The following ELAC2 variants were observed in gnomAD, a reference collection of about 807,000 sequenced individuals.
The protein encoded by ELAC2 is zinc phosphodiesterase ELAC protein 2.
ELAC2 carries 92 observed loss-of-function variants against 105.2 expected under a neutral mutation model. The observed-to-expected ratio is 0.87, with a 90% CI of 0.74 to 1.04. The LOEUF is 1.04. Among genes scored for constraint, ELAC2 ranks in the 50% least tolerant of loss-of-function variants. ELAC2 has a pLI of 0.00. For synonymous variants in ELAC2, 468 were observed against 409.1 expected, an observed-to-expected ratio of 1.14 and a Z score of -1.74; for missense variants, 1,099 against 1,071.7, an observed-to-expected ratio of 1.03 and a Z score of -0.36.
intron 7 of ELAC2, 112 bp from the exon 8 acceptor site, chr17:13,010,783 C>T (rs2041372570): frequency 1.0e-6 from 1 of 957,900 alleles, no homozygotes; most frequent in Non-Finnish European, 1.7e-6. Context: ...TTAATGGACG[C>T]TACTGTCCCA....
At chr17:12,996,418 C>G in intron 17 of ELAC2, 129 bp downstream of exon 17, 1 of 1,426,006 alleles carries the variant, frequency 7.0e-7, no homozygotes, top group Non-Finnish European at 9.7e-7. Context: ...AAACCATTTC[C>G]TAGCCAGAGA....
At chr17:13,001,970 C>A (rs745715827) in intron 14 of ELAC2, among the ~76,000 whole-genome samples, 1 of 152,196 alleles carries the variant, frequency 6.6e-6, no homozygotes, top group Non-Finnish European at 1.5e-5. Flanking sequence ...GTGAAACACA[C>A]GAGCTCTATC....
In ELAC2 at chr17:12,996,582, C is replaced by G; in HGVS notation, c.1624G>C (p.Val542Leu). 6.2e-7 allele frequency: 1 copy of G among 1,614,068 alleles called. No homozygotes were observed. The highest frequency in any genetic ancestry group is 8.5e-7 in the Non-Finnish European group (1 of 1,180,046). The part of the protein sequence containing the change: ...VDRVLGTLAA[V>L]FVSHLHADHH... ...TCTGCGTGCAGGTGGGACACAAACA[C>G]AGCAGCCAGGGTGCCCAGGACCCTG... The change falls in exon 17 of 24, where the codon GTG (valine) becomes CTG (leucine). Residue 542 changes from valine to leucine, a missense_variant. Transcript: ENST00000338034.
intron 4 of ELAC2, 94 bp downstream of exon 4, chr17:13,015,674 A>T: frequency 9.8e-7 from 1 of 1,023,704 alleles, no homozygotes; most frequent in Non-Finnish European, 1.6e-6. Flanking sequence ...GTATCTCTGG[A>T]GGGCAGAAGA....
Position 13,015,831 on chromosome 17 carries a change from T to C in ELAC2, c.369A>G (p.Gly123=), listed in dbSNP as rs143942145. Residue 123 remains glycine, a splice_region_variant and synonymous_variant, in exon 4 of 24, where the codon GGA becomes GGG. Coordinates refer to ENST00000338034, the MANE Select transcript of ELAC2 (RefSeq NM_018127.7). ...CGGTTTCCTTTAAAGTAAGAATCAT[T>C]CCTAAAAAGGATGCATAAAATCAGA... ...MHWSNVGGLS[G]MILTLKETGL... 2.8e-5 allele frequency: 45 copies of C among 1,613,552 alleles called. No homozygotes were observed. Among genetic ancestry groups the C allele is most frequent in the Non-Finnish European group, 3.6e-5 (43 of 1,179,622 alleles).
chr17:12,994,759 C>T lies in ELAC2; in HGVS notation c.2029+5G>A, dbSNP rs776845488. 5.6e-6 allele frequency: 9 copies of T among 1,613,810 alleles called. No individual in the cohort carries two copies. The South Asian group carries it at 6.6e-5, about 12-fold the overall frequency. The stretch of plus-strand genomic sequence containing the variant: ...TCAGGGTGGCTTGCTTCTTCCTCTA[C>T]TCACCCATCCGGACCAGAGCCTCGC... On this transcript the variant is annotated splice_donor_5th_base_variant and intron_variant, in intron 21 of 23. Coordinates refer to ENST00000338034, the MANE Select transcript of ELAC2 (RefSeq NM_018127.7).
At chr17:12,996,862 T>C (rs762166804) in intron 16 of ELAC2, among the ~76,000 whole-genome samples, 177 bp from the exon 17 acceptor site, 3 of 151,822 alleles carry the variant, frequency 2.0e-5, no homozygotes, top group Non-Finnish European at 4.4e-5. Context: ...TGATTTTACA[T>C]GTGTCATCCT....
chr17:13,009,592 CAG>C (rs140726184), intron 8 of ELAC2, among the ~76,000 whole-genome samples: 13,024 of 152,128 alleles, frequency 0.086, 770 homozygotes, highest in Middle Eastern at 0.19. Context: ...TAAAGTAAAA[CAG>C]AGTTAAAAGA....
In ELAC2 at chr17:12,996,568, G is replaced by A. The variant is rs1489337164; in HGVS notation, c.1638C>T (p.His546=). The stretch of plus-strand genomic sequence containing the variant: ...TCACCGTGTGGTGATCTGCGTGCAG[G>A]TGGGACACAAACACAGCAGCCAGGG... ...LGTLAAVFVS[H]LHADHHTGLP... is the part of the protein sequence containing the mutation. Residue 546 remains histidine, a synonymous_variant, in exon 17 of 24, where the codon CAC becomes CAT. Transcript: ENST00000338034. The A allele has an allele frequency of 3.7e-6, 6 of 1,613,906 alleles. No homozygotes were observed. Among genetic ancestry groups the A allele is most frequent in the South Asian group, 3.3e-5 (3 of 91,088 alleles).
Position 13,007,761 on chromosome 17 carries a change from C to T in ELAC2, c.739-1782G>A, listed in dbSNP as rs1194049270. ...AGTGTGGTGGCGGGCACCTGAAGTC[C>T]CAGCTACTCGGGAAGCTGATGCATG... On this transcript the variant is annotated intron_variant, in intron 8 of 23. Coordinates refer to ENST00000338034, the MANE Select transcript of ELAC2 (RefSeq NM_018127.7). 5.9e-5 allele frequency among the ~76,000 whole-genome samples: 9 copies of T among 152,052 alleles called. No individual in the cohort carries two copies. The South Asian group carries it at 1.0e-3, about 18-fold the overall frequency.
At chr17:13,010,014 G>A (rs1448106316) in intron 8 of ELAC2, among the ~76,000 whole-genome samples, 1 of 130,986 alleles carries the variant, frequency 7.6e-6, no homozygotes, top group African/African-American at 2.8e-5. Context: ...AAAAATGTAC[G>A]GAGGCTGACA....
At chr17:13,011,107 G>A (rs1378184610) in intron 7 of ELAC2, among the ~76,000 whole-genome samples, 3 of 152,220 alleles carry the variant, frequency 2.0e-5, no homozygotes, top group African/African-American at 7.2e-5. Context: ...CCTGTTCTCA[G>A]TCACTAGACA....
chr17:13,006,369 CA>C (rs1019868391), intron 8 of ELAC2: 1,622 of 176,504 alleles, frequency 9.2e-3, no homozygotes, highest in South Asian at 0.023. Context: ...AAGTCTGTCT[CA>C]AAAAAAAAAA....
intron 14 of ELAC2, among the ~76,000 whole-genome samples, chr17:13,001,139 C>T (rs1241395092): frequency 1.3e-5 from 2 of 152,154 alleles, no homozygotes; most frequent in East Asian, 3.9e-4. Context: ...CCAGCACATG[C>T]TCTATTCTAA....
chr17:13,002,226 T>C, intron 14 of ELAC2, 48 bp downstream of exon 14: 1 of 1,601,280 alleles, frequency 6.2e-7, no homozygotes, highest in Non-Finnish European at 8.5e-7. Context: ...TACAGAAATG[T>C]TTCCCAACTC....
intron 8 of ELAC2, 72 bp from the exon 9 acceptor site, chr17:13,006,051 A>G: frequency 6.8e-7 from 1 of 1,461,074 alleles, no homozygotes; most frequent in Non-Finnish European, 9.6e-7. Flanking sequence ...ATTTTCTTAG[A>G]AGTGTATTTT....
rs375941310 is a variant in ELAC2 at position 13,017,792 on chromosome 17, G to A, written c.156C>T (p.Ser52=). ...GCAGGTACACGGTGTTTGGGCCGCCGGAGCACCCCGACGGTCCGCGCTTCT... is the reference window on the plus strand; with the variant it reads ...GCAGGTACACGGTGTTTGGGCCGCCAGAGCACCCCGACGGTCCGCGCTTCT... The part of the protein sequence containing the change: ...TREKRGPSGC[S]GGPNTVYLQV... Residue 52 remains serine (S), a synonymous_variant, in exon 1 of 24, where the codon TCC becomes TCT. Transcript: ENST00000338034. 2.7e-5 allele frequency: 44 copies of A among 1,607,748 alleles called. No homozygotes were observed. The highest frequency in any genetic ancestry group is 2.4e-4 in the African/African-American group (18 of 74,874).
chr17:12,995,446 C>T (rs1172305525), intron 19 of ELAC2, among the ~76,000 whole-genome samples: 3 of 152,142 alleles, frequency 2.0e-5, no homozygotes, highest in Admixed American at 6.5e-5. Context: ...AAAAGCTGCT[C>T]GAAGTTTAGA....
rs368781017 is a variant in ELAC2 at position 13,017,828 on chromosome 17, C to A, written c.120G>T (p.Leu40=). 6 of 1,590,006 alleles carry A rather than the reference C, an allele frequency of 3.8e-6. No homozygotes were observed. In the African/African-American group the frequency reaches 6.7e-5, roughly 18 times the overall value. Residue 40 remains leucine (L), a synonymous_variant, in exon 1 of 24, where the codon CTG becomes CTT. Coordinates refer to ENST00000338034, the MANE Select transcript of ELAC2 (RefSeq NM_018127.7). The part of the protein sequence containing the change: ...ERPRKDPLRH[L]RTREKRGPSG... ...ACGGTCCGCGCTTCTCTCGCGTGCG[C>A]AGGTGCCGCAGCGGGTCCTTGCGCG...
Sources: allele counts gnomAD v4.1 joint callset (sites outside exome capture counted in the v4.1 genomes callset), GRCh38; gene constraint gnomAD v4.1.1; transcripts MANE v1.5; gene names NCBI Gene and HGNC (gene_info 2026-07-23, HGNC 2026-07-21).